NDUFA12: variants seen among roughly 807,000 people sequenced by gnomAD.
The protein encoded by NDUFA12 is NADH:ubiquinone oxidoreductase subunit A12, also known as NADH dehydrogenase [ubiquinone] 1 alpha subcomplex subunit 12.
A neutral mutation model predicts 20.3 loss-of-function variants in NDUFA12; 17 were observed. The ratio of observed to expected loss-of-function variants is 0.84; its 90% CI spans 0.57 to 1.26. NDUFA12 has a LOEUF of 1.26. NDUFA12 is among the 50% of genes most tolerant of loss of function. NDUFA12 has a pLI of 0.00. For missense variants in NDUFA12, 191 were observed against 183.7 expected, an observed-to-expected ratio of 1.04 and a Z score of -0.23; for synonymous variants, 72 against 63.6, an observed-to-expected ratio of 1.13 and a Z score of -0.63.
At chr12:94,981,395 C>T (rs545027166) in intron 3 of NDUFA12, among the ~76,000 whole-genome samples, 2 of 152,286 alleles carry the variant, frequency 1.3e-5, no homozygotes, top group African/African-American at 2.4e-5. Context: ...CTGCAGTAAG[C>T]CAAGATCGCA....
chr12:95,002,051 G>A (rs529873452), intron 2 of NDUFA12, among the ~76,000 whole-genome samples: 4 of 152,052 alleles, frequency 2.6e-5, no homozygotes, highest in South Asian at 2.1e-4. Flanking sequence ...TATGTGCAAT[G>A]TAAATTTTTA....
At chr12:94,977,880 G>A (rs972968295) in intron 3 of NDUFA12, among the ~76,000 whole-genome samples, 3 of 152,168 alleles carry the variant, frequency 2.0e-5, no homozygotes, top group Admixed American at 2.0e-4. Context: ...CAGGGGAAGA[G>A]TATGGAGTAT....
intron 3 of NDUFA12, among the ~76,000 whole-genome samples, chr12:94,984,185 C>G (rs145264209): frequency 6.0e-4 from 92 of 152,208 alleles, no homozygotes; most frequent in African/African-American, 1.9e-3. Context: ...GCTGGACTGC[C>G]GTCAGTGGTA....
chr12:94,986,820 C>T (rs532723867), intron 3 of NDUFA12, among the ~76,000 whole-genome samples: 1 of 152,074 alleles, frequency 6.6e-6, no homozygotes, highest in East Asian at 1.9e-4. Context: ...ACTGAGAACC[C>T]CTCCCCTCTA....
chr12:94,999,121 G>A (rs781781037), intron 2 of NDUFA12, among the ~76,000 whole-genome samples: 6 of 152,246 alleles, frequency 3.9e-5, no homozygotes, highest in South Asian at 2.1e-4. Context: ...CTATGCTACC[G>A]GTATAAAAGT....
At chr12:94,989,602 T>G (rs913529509) in intron 3 of NDUFA12, among the ~76,000 whole-genome samples, 3 of 152,092 alleles carry the variant, frequency 2.0e-5, no homozygotes, top group Non-Finnish European at 2.9e-5. Context: ...CAAATAAGGG[T>G]CATCAAAGGT....
intron 2 of NDUFA12, among the ~76,000 whole-genome samples, chr12:94,998,999 G>T (rs1874930788): frequency 6.6e-6 from 1 of 152,014 alleles, no homozygotes; most frequent in Admixed American, 6.6e-5. Context: ...AATTCATATG[G>T]AACCAAAAAT....
At chr12:94,991,300 A>T (rs1241925767) in intron 3 of NDUFA12, among the ~76,000 whole-genome samples, 2 of 151,948 alleles carry the variant, frequency 1.3e-5, no homozygotes, top group Non-Finnish European at 2.9e-5. Flanking sequence ...ATAATAATAA[A>T]ATGTTCTGGG....
chr12:94,998,610 C>A (rs1272357608), intron 2 of NDUFA12, among the ~76,000 whole-genome samples: 1 of 152,098 alleles, frequency 6.6e-6, no homozygotes, highest in Non-Finnish European at 1.5e-5. Context: ...GCTCCTAGAC[C>A]TGATAAATAA....
chr12:95,002,270 T>A (rs997247344), intron 2 of NDUFA12, among the ~76,000 whole-genome samples: 1 of 150,302 alleles, frequency 6.7e-6, no homozygotes. Context: ...TGAAACCCCA[T>A]CTCTACTAAA....
chr12:94,986,698 A>G (rs1174235978), intron 3 of NDUFA12, among the ~76,000 whole-genome samples: 1 of 151,960 alleles, frequency 6.6e-6, no homozygotes, highest in Non-Finnish European at 1.5e-5. Context: ...AGGCTGAGGC[A>G]GGAGGATGGC....
At chr12:95,003,207 G>A (rs1024809221) in intron 1 of NDUFA12, among the ~76,000 whole-genome samples, 1 of 152,186 alleles carries the variant, frequency 6.6e-6, no homozygotes, top group Non-Finnish European at 1.5e-5. Flanking sequence ...CGTGGGATCA[G>A]TGAATGTCAG....
At chr12:94,994,752 G>T (rs1565818627) in intron 2 of NDUFA12, among the ~76,000 whole-genome samples, 1 of 152,184 alleles carries the variant, frequency 6.6e-6, no homozygotes, top group Non-Finnish European at 1.5e-5. Context: ...CATTAGAAAT[G>T]ATGGTTAGGT....
rs750540144 is a variant in NDUFA12, at chr12:94,971,604, T to A, written c.274A>T (p.Ser92Cys). The change falls in exon 4 of 4, where the codon AGT becomes TGT. Residue 92 changes from serine to cysteine, a missense_variant. Transcript: ENST00000327772. The part of the protein sequence containing the change: ...VPPEWHRWLH[S>C]MTDDPPTTKP... Reference sequence around the variant, plus strand: ...GTTGTTGGAGGATCATCAGTCATACTGTGAAGCCAACGATGCCTTAAAGAG... The same window carrying A: ...GTTGTTGGAGGATCATCAGTCATACAGTGAAGCCAACGATGCCTTAAAGAG... 17 of 1,614,058 alleles carry A rather than the reference T, an allele frequency of 1.1e-5. No individual in the cohort carries two copies. In the South Asian group the frequency reaches 1.5e-4, roughly 15 times the overall value.
intron 2 of NDUFA12, among the ~76,000 whole-genome samples, chr12:94,999,292 T>C (rs1874940892): frequency 6.6e-6 from 1 of 152,208 alleles, no homozygotes; most frequent in Non-Finnish European, 1.5e-5. Context: ...TGTAGAAGAA[T>C]GGAAGTGGAT....
chr12:94,995,231 T>A (rs948433488), intron 2 of NDUFA12, among the ~76,000 whole-genome samples: 3 of 152,196 alleles, frequency 2.0e-5, no homozygotes, highest in African/African-American at 7.2e-5. Flanking sequence ...TACTTAAACA[T>A]GACCTCATCT....
chr12:94,995,961 A>T (rs1874813843), intron 2 of NDUFA12, among the ~76,000 whole-genome samples: 1 of 151,172 alleles, frequency 6.6e-6, no homozygotes, highest in African/African-American at 2.4e-5. Context: ...TAATCCCAGG[A>T]CTCTGGAAGG....
At chr12:95,002,643 G>A (rs1306966238) in intron 2 of NDUFA12, 96 bp downstream of exon 2, 2 of 859,236 alleles carry the variant, frequency 2.3e-6, no homozygotes, top group Non-Finnish European at 3.9e-6. Context: ...CCTTTTCCAG[G>A]TGTTTTGTAA....
At chr12:94,989,740 A>G (rs185043937) in intron 3 of NDUFA12, among the ~76,000 whole-genome samples, 1 of 152,356 alleles carries the variant, frequency 6.6e-6, no homozygotes, top group Admixed American at 6.5e-5. Context: ...AGATCAAATA[A>G]AAGGACTTGC....
Sources: gnomAD v4.1 joint callset for allele counts (sites outside exome capture counted in the v4.1 genomes callset) on GRCh38, gnomAD v4.1.1 for gene constraint, MANE v1.5 for transcripts, NCBI Gene and HGNC (gene_info 2026-07-23, HGNC 2026-07-21) for gene names.